The following FBXO24 variants were observed in gnomAD, a reference collection of about 807,000 sequenced individuals.
FBXO24 encodes the protein F-box protein 24.
Under a neutral mutation model 63.5 loss-of-function variants are expected in FBXO24, and 30 were observed. The ratio of observed to expected loss-of-function variants is 0.47; its 90% CI spans 0.35 to 0.64. The LOEUF (loss-of-function observed/expected upper bound fraction) is 0.64, where lower values mean the gene tolerates loss of function less well. Ranked by LOEUF, FBXO24 falls within the 30% of genes least tolerant of loss-of-function variation. The pLI, the probability that FBXO24 is intolerant of heterozygous loss-of-function variation, is 0.00. For synonymous variants in FBXO24, 300 were observed against 305.0 expected, an observed-to-expected ratio of 0.98 and a Z score of 0.17; for missense variants, 624 against 763.4, an observed-to-expected ratio of 0.82 and a Z score of 2.15.
Position 100,600,770 on chromosome 7 carries a change from G to A in FBXO24, c.1614G>A (p.Lys538=). Residue 538 remains lysine, a synonymous_variant, in exon 10 of 10, where the codon AAG becomes AAA. Coordinates refer to ENST00000241071, the MANE Select transcript of FBXO24 (RefSeq NM_033506.3). The surrounding 1 kb of genome is among the most constrained non-coding windows in gnomAD (Gnocchi z 6.3). ...SCQTLQDRTE[K]MKEIVGWMPL... ...AAACGTTGCAGGACCGCACGGAGAA[G>A]ATGAAGGAGATCGTAGGGTGGATGC... 9 of 1,614,200 alleles carry A rather than the reference G, an allele frequency of 5.6e-6. No individual in the cohort carries two copies. The highest frequency in any genetic ancestry group is 1.1e-5 in the South Asian group (1 of 91,090).
At position 100,595,375 on chromosome 7, in the gene FBXO24, G is replaced by T. The variant is rs536025373; in HGVS notation, c.1074+152G>T. ...AAGAGATCAGCTGGGGGCTCGGTGC[G>T]GAGGGAGGCTGAGGAGGGAGTATCG... On this transcript the variant is annotated intron_variant, in intron 7 of 9. Coordinates refer to ENST00000241071, the MANE Select transcript of FBXO24 (RefSeq NM_033506.3). The T allele has an allele frequency of 5.6e-6, 8 of 1,439,236 alleles. No homozygotes were observed. In the East Asian group the frequency reaches 1.9e-4, roughly 34 times the overall value. The allele number at this position is 1,439,236 out of a possible 1,614,324, so 89.2% of individuals were successfully genotyped here.
chr7:100,600,326 C>T lies in FBXO24; in HGVS notation c.1377+125C>T. On this transcript the variant is annotated intron_variant, in intron 9 of 9. Coordinates refer to ENST00000241071, the MANE Select transcript of FBXO24 (RefSeq NM_033506.3). The surrounding 1 kb of genome is among the most constrained non-coding windows in gnomAD (Gnocchi z 6.3). ...GTCCCATTTCCCTAGCACCACCCCA[C>T]CTCCCTCCTCTGCCGCACACCACGC... is the stretch of plus-strand genomic sequence containing the variant. The T allele has an allele frequency of 2.2e-6, 3 of 1,359,188 alleles. No homozygotes were observed. Among genetic ancestry groups the T allele is most frequent in the Non-Finnish European group, 2.0e-6 (2 of 1,015,508 alleles). The allele number at this position is 1,359,188 out of a possible 1,614,324, so 84.2% of individuals were successfully genotyped here. A position where few individuals can be genotyped will look rare whatever the true frequency, so the allele number is the denominator to read the frequency against.
intron 5 of FBXO24, among the ~76,000 whole-genome samples, chr7:100,593,626 C>CAAA (rs769155612): frequency 1.5e-4 from 9 of 58,962 alleles, no homozygotes; most frequent in African/African-American, 1.9e-4. Context: ...GACTCCGTCT[C>CAAA]AAAAAAAAAA....
At position 100,591,031 on chromosome 7, in the gene FBXO24, ATTTTTTTTTT is replaced by A. The variant is rs930978218; in HGVS notation, c.323-621_323-612del. On this transcript the variant is annotated intron_variant, in intron 3 of 9. Coordinates refer to ENST00000241071, the MANE Select transcript of FBXO24 (RefSeq NM_033506.3). Reference sequence around the variant, plus strand: ...CTTCTCTTTTCTTTCTTTTTCTTTGATTTTTTTTTTTTTTTTTTTTTTTTGAGACAGGGTC... The same window carrying A: ...CTTCTCTTTTCTTTCTTTTTCTTTGATTTTTTTTTTTTTTGAGACAGGGTC... 6.9e-5 allele frequency among the ~76,000 whole-genome samples: 6 copies of A among 86,672 alleles called. No individual in the cohort carries two copies. The East Asian group carries it at 9.8e-4, about 14-fold the overall frequency. 56.9% of individuals were successfully genotyped at this position (86,672 alleles called of 152,430 possible). A position where few individuals can be genotyped will look rare whatever the true frequency, so the allele number is the denominator to read the frequency against.
In FBXO24 at chr7:100,600,689, C is replaced by T; in HGVS notation, c.1533C>T (p.Asp511=). 1 of 1,614,154 alleles carries T rather than the reference C, an allele frequency of 6.2e-7. No individual in the cohort carries two copies. Among genetic ancestry groups the T allele is most frequent in the South Asian group, 1.1e-5 (1 of 91,092 alleles). The part of the protein sequence containing the change: ...EPSLGARAPQ[D]PGGMAQACEE... ...GCCTGGGGGCCAGAGCACCCCAGGA[C>T]CCCGGGGGGATGGCCCAGGCCTGCG... The change falls in exon 10 of 10, where the codon GAC becomes GAT. Residue 511 remains aspartate, a synonymous_variant. Coordinates refer to ENST00000241071, the MANE Select transcript of FBXO24 (RefSeq NM_033506.3). This position sits in a 1 kb window ranked among gnomAD's most constrained non-coding sequence, Gnocchi z 6.3.
In FBXO24 at chr7:100,600,526, C is replaced by A; in HGVS notation, c.1378-8C>A. The A allele has an allele frequency of 6.5e-7, 1 of 1,537,344 alleles. No homozygotes were observed. The highest frequency in any genetic ancestry group is 8.8e-7 in the Non-Finnish European group (1 of 1,142,526). ...CTCAGCCATGCCCCCTTTCTCTCCT[C>A]CTCCAAGGTCCCTCTGTGTGCCTGT... On this transcript the variant is annotated splice_polypyrimidine_tract_variant and splice_region_variant and intron_variant, in intron 9 of 9. Transcript: ENST00000241071. This position sits in a 1 kb window ranked among gnomAD's most constrained non-coding sequence, Gnocchi z 6.3.
In FBXO24 at chr7:100,600,983, C is replaced by A; in HGVS notation, c.*84C>A. On this transcript the variant is annotated 3_prime_UTR_variant, in exon 10 of 10. Transcript: ENST00000241071. The surrounding 1 kb of genome is among the most constrained non-coding windows in gnomAD (Gnocchi z 6.3). ...AGGAGCAATGACCATTGTGCACATGCGTGTGGGAAGGGGTTGCTAGGGGGT... is the reference window on the plus strand; with the variant it reads ...AGGAGCAATGACCATTGTGCACATGAGTGTGGGAAGGGGTTGCTAGGGGGT... The A allele has an allele frequency of 1.3e-6, 2 of 1,518,854 alleles. No homozygotes were observed. Among genetic ancestry groups the A allele is most frequent in the Non-Finnish European group, 1.8e-6 (2 of 1,137,378 alleles). The allele number at this position is 1,518,854 out of a possible 1,614,324, so 94.1% of individuals were successfully genotyped here.
intron 8 of FBXO24, 64 bp from the exon 9 acceptor site, chr7:100,599,967 T>TTCCC: frequency 6.7e-7 from 1 of 1,496,770 alleles, no homozygotes; most frequent in Non-Finnish European, 9.1e-7. Flanking sequence ...GTCAACCTTT[T>TTCCC]CCCACCCCAG....
chr7:100,594,963 C>A lies in FBXO24; in HGVS notation c.953-139C>A. 1 of 1,229,332 alleles carries A rather than the reference C, an allele frequency of 8.1e-7. No homozygotes were observed. Among genetic ancestry groups the A allele is most frequent in the Non-Finnish European group, 1.1e-6 (1 of 883,976 alleles). 76.2% of individuals were successfully genotyped at this position (1,229,332 alleles called of 1,614,324 possible). On this transcript the variant is annotated intron_variant, in intron 6 of 9. Coordinates refer to ENST00000241071, the MANE Select transcript of FBXO24 (RefSeq NM_033506.3). This position sits in a 1 kb window ranked among gnomAD's most constrained non-coding sequence, Gnocchi z 4.2. The stretch of plus-strand genomic sequence containing the variant: ...GACTCGGTCTCAAAAGATGTGTTTT[C>A]AGTTCCCAGGCATCATAGTTGATGC...
At chr7:100,591,147 G>A (rs767052886) in intron 3 of FBXO24, among the ~76,000 whole-genome samples, 6 of 144,828 alleles carry the variant, frequency 4.1e-5, no homozygotes, top group East Asian at 2.0e-4. Flanking sequence ...AAGTATTCTC[G>A]TGCCTCAGCC....
chr7:100,591,460 TG>T (rs777320911), intron 3 of FBXO24, among the ~76,000 whole-genome samples: 10 of 152,210 alleles, frequency 6.6e-5, no homozygotes, highest in Non-Finnish European at 1.3e-4. Context: ...GACCCTGGGC[TG>T]AGGTGGGGTG....
At chr7:100,599,867 G>A (rs1209302598) in intron 8 of FBXO24, 164 bp from the exon 9 acceptor site, 2 of 695,694 alleles carry the variant, frequency 2.9e-6, no homozygotes, top group Non-Finnish European at 4.9e-6. Flanking sequence ...GAGTATGGGG[G>A]CTGCAGGGGT....
chr7:100,595,550 A>G (rs1327975937), intron 7 of FBXO24, 25 bp from the exon 8 acceptor site: 1 of 1,560,582 alleles, frequency 6.4e-7, no homozygotes, highest in Admixed American at 1.8e-5. Context: ...TGGAATCCCT[A>G]TCCCCTTTCT....
chr7:100,595,807 G>A (rs1029242334), intron 8 of FBXO24, 101 bp downstream of exon 8: 1 of 1,464,268 alleles, frequency 6.8e-7, no homozygotes, highest in Non-Finnish European at 9.1e-7. Flanking sequence ...TCCAATTTCT[G>A]TTCCTTTGGG....
At position 100,590,097 on chromosome 7, in the gene FBXO24, T is replaced by C. The variant is rs773819884; in HGVS notation, c.138+22T>C. The stretch of plus-strand genomic sequence containing the variant: ...GCTGGTGAGTCCTTGGGGAGGGGGA[T>C]TGAGAATAATAGGATTGGGGGCCAG... On this transcript the variant is annotated intron_variant, in intron 2 of 9. Coordinates refer to ENST00000241071, the MANE Select transcript of FBXO24 (RefSeq NM_033506.3). 18 of 1,609,808 alleles carry C rather than the reference T, an allele frequency of 1.1e-5. No homozygotes were observed. In the Admixed American group the frequency reaches 1.7e-4, roughly 15 times the overall value.
rs550747606 is a variant in FBXO24 at position 100,587,195 on chromosome 7, A to G, written c.39+531A>G. 3.2e-4 allele frequency among the ~76,000 whole-genome samples: 48 copies of G among 152,288 alleles called. 1 individual carries two copies. In the South Asian group the frequency reaches 9.9e-3, roughly 32 times the overall value. ...CTTGCTCTAGAAACCAGGTCTCTGG[A>G]TCCTCCACGCACAGCCCTTTCCCGC... is the stretch of plus-strand genomic sequence containing the variant. On this transcript the variant is annotated intron_variant, in intron 1 of 9. Transcript: ENST00000241071.
At chr7:100,589,056 A>T (rs4729595) in intron 1 of FBXO24, among the ~76,000 whole-genome samples, 12 of 151,448 alleles carry the variant, frequency 7.9e-5, no homozygotes, top group Non-Finnish European at 1.6e-4. Flanking sequence ...CTTGAAACCC[A>T]TGGCCTCAAG....
At chr7:100,586,863 A>C (rs1163417794) in intron 1 of FBXO24, 199 bp downstream of exon 1, 680 of 242,884 alleles carry the variant, frequency 2.8e-3, no homozygotes, top group South Asian at 4.2e-3. Flanking sequence ...CAGCGGGGGG[A>C]CCTCCGACTG....
intron 1 of FBXO24, among the ~76,000 whole-genome samples, chr7:100,588,094 A>T (rs942187957): frequency 4.0e-5 from 6 of 151,060 alleles, no homozygotes; most frequent in African/African-American, 1.5e-4. Flanking sequence ...GCCCAGGCTG[A>T]TCTCAAACTC....
Sources: gnomAD v4.1 joint callset for allele counts (sites outside exome capture counted in the v4.1 genomes callset) on GRCh38, gnomAD v4.1.1 for gene constraint, Gnocchi (gnomAD v3.1) non-coding constraint, MANE v1.5 for transcripts, NCBI Gene and HGNC (gene_info 2026-07-23, HGNC 2026-07-21) for gene names.